The following PDE4D variants were observed in gnomAD, a reference collection of about 807,000 sequenced individuals.
PDE4D encodes the protein phosphodiesterase 4D.
Under a neutral mutation model 87.4 loss-of-function variants are expected in PDE4D, and 24 were observed. The ratio of observed to expected loss-of-function variants is 0.27; its 90% CI spans 0.20 to 0.39. The LOEUF (loss-of-function observed/expected upper bound fraction) is 0.39, where lower values mean the gene tolerates loss of function less well. PDE4D is among the 10% of genes least tolerant of loss of function. PDE4D has a pLI of 1.00. For missense variants in PDE4D, 714 were observed against 1,041.0 expected (o/e 0.69, Z 4.32); for synonymous variants, 384 against 383.2 (o/e 1.00, Z -0.02).
chr5:59,009,198 A>G (rs1016890970), intron 6 of PDE4D, among the ~76,000 whole-genome samples: 6 of 152,284 alleles, frequency 3.9e-5, no homozygotes, highest in South Asian at 2.1e-4. Context: ...TAGAGTGACC[A>G]TATGACCCAG....
Position 60,136,609 on chromosome 5 carries a change from G to A in PDE4D, c.42+48948C>T, listed in dbSNP as rs764881568. On this transcript the variant is annotated intron_variant, in intron 2 of 16. Coordinates refer to the PDE4D transcript ENST00000502484. ...GGTATCATGTTATTTTTAAACCATA[G>A]CATTGTCACACATTCCTTTTTTATT... 1.1e-3 allele frequency among the ~76,000 whole-genome samples: 170 copies of A among 152,032 alleles called. 1 individual carries two copies. Among genetic ancestry groups the A allele is most frequent in the Non-Finnish European group, 2.0e-3 (134 of 68,000 alleles).
intron 8 of PDE4D, among the ~76,000 whole-genome samples, chr5:58,991,437 GAACAGT>G (rs1747895765): frequency 6.6e-6 from 1 of 152,136 alleles, no homozygotes; most frequent in African/African-American, 2.4e-5. Context: ...ACTGAAAATT[GAACAGT>G]ATGGCTTAAC....
At position 59,985,124 on chromosome 5, in the gene PDE4D, G is replaced by GTTTTTTTTTTTTTTTTT. The variant is rs762506771; in HGVS notation, c.272+3363_272+3364insAAAAAAAAAAAAAAAAA. Among the ~76,000 whole-genome samples, 54 of 111,342 alleles carry GTTTTTTTTTTTTTTTTT rather than the reference G, an allele frequency of 4.8e-4. 17 individuals are homozygous for GTTTTTTTTTTTTTTTTT. The highest frequency in any genetic ancestry group is 4.5e-3 in the East Asian group (12 of 2,658). The allele number at this position is 111,342 out of a possible 152,430, so 73.0% of individuals were successfully genotyped here. ...AATATAAGCCCGAACTTCACCTTTC[G>GTTTTTTTTTTTTTTTTT]TTTTTTGTTTTTTGTTTTTTGTTTT... On this transcript the variant is annotated intron_variant, in intron 3 of 16. Transcript: ENST00000502484.
At chr5:59,117,708 T>A (rs1773834311) in intron 5 of PDE4D, among the ~76,000 whole-genome samples, 1 of 152,132 alleles carries the variant, frequency 6.6e-6, no homozygotes, top group Admixed American at 6.6e-5. Flanking sequence ...ATTCAAGAAT[T>A]CTGCAAAAGA....
chr5:60,055,664 G>T (rs1770699856), intron 2 of PDE4D, among the ~76,000 whole-genome samples: 1 of 152,034 alleles, frequency 6.6e-6, no homozygotes, highest in Non-Finnish European at 1.5e-5. Flanking sequence ...AACTCTGATT[G>T]AAACTTATCC....
At chr5:60,144,684 A>T (rs976632123) in intron 2 of PDE4D, among the ~76,000 whole-genome samples, 2 of 152,162 alleles carry the variant, frequency 1.3e-5, no homozygotes, top group Non-Finnish European at 2.9e-5. Flanking sequence ...GACCATACCA[A>T]CTTAAATAAT....
intron 2 of PDE4D, among the ~76,000 whole-genome samples, chr5:59,201,358 T>C (rs1244386165): frequency 6.6e-6 from 1 of 152,104 alleles, no homozygotes; most frequent in African/African-American, 2.4e-5. Flanking sequence ...AAAAATTCTG[T>C]AAAATGTGAC....
At chr5:59,917,556 T>C (rs1754202324) in intron 3 of PDE4D, among the ~76,000 whole-genome samples, 1 of 152,226 alleles carries the variant, frequency 6.6e-6, no homozygotes, top group African/African-American at 2.4e-5. Flanking sequence ...TAACCTATAA[T>C]ATATCAATTA....
chr5:59,776,709 G>A (rs1285933460), intron 1 of PDE4D, among the ~76,000 whole-genome samples: 1 of 152,020 alleles, frequency 6.6e-6, no homozygotes, highest in Non-Finnish European at 1.5e-5. Flanking sequence ...TACACAGATA[G>A]GTATATTCAC....
chr5:60,361,335 ATAAT>A (rs1365867805), intron 1 of PDE4D, among the ~76,000 whole-genome samples: 1 of 152,244 alleles, frequency 6.6e-6, no homozygotes, highest in Non-Finnish European at 1.5e-5. Context: ...TAGTAAATCA[ATAAT>A]TAGTTACTTG....
At chr5:58,999,805 A>C in intron 6 of PDE4D, 1 of 1,000,794 alleles carries the variant, frequency 1.0e-6, no homozygotes, top group Non-Finnish European at 1.2e-6. Context: ...CACGTGATAA[A>C]GGAATATCTA....
At chr5:59,704,177 C>T (rs1753030712) in intron 1 of PDE4D, among the ~76,000 whole-genome samples, 2 of 152,118 alleles carry the variant, frequency 1.3e-5, no homozygotes, top group Admixed American at 1.3e-4. Flanking sequence ...TTTATTTATG[C>T]CACACAATAT....
At chr5:60,432,202 T>C (rs1744396141) in intron 1 of PDE4D, among the ~76,000 whole-genome samples, 2 of 152,214 alleles carry the variant, frequency 1.3e-5, no homozygotes, top group Non-Finnish European at 2.9e-5. Context: ...TCAAGGATAT[T>C]GGTCTGAAGT....
intron 1 of PDE4D, among the ~76,000 whole-genome samples, chr5:60,252,467 T>C (rs184501820): frequency 6.7e-6 from 1 of 149,546 alleles, no homozygotes; most frequent in Non-Finnish European, 1.5e-5. Flanking sequence ...TCTTTCTAAA[T>C]ATGTTTTAAA....
intron 1 of PDE4D, among the ~76,000 whole-genome samples, chr5:59,336,523 A>C (rs1329126724): frequency 6.6e-6 from 1 of 152,184 alleles, no homozygotes; most frequent in African/African-American, 2.4e-5. Context: ...TTAGCTGTGA[A>C]GGCCAGGCAT....
At chr5:59,995,092 C>A (rs937644376) in intron 2 of PDE4D, among the ~76,000 whole-genome samples, 2 of 152,112 alleles carry the variant, frequency 1.3e-5, no homozygotes, top group African/African-American at 2.4e-5. Flanking sequence ...AAAGAAAGTG[C>A]TAGCCAGTTG....
chr5:59,763,440 A>C (rs1037163849), intron 1 of PDE4D, among the ~76,000 whole-genome samples: 2 of 152,206 alleles, frequency 1.3e-5, no homozygotes, highest in African/African-American at 4.8e-5. Context: ...TTTTTAAAAG[A>C]ATATGTGAAG....
intron 2 of PDE4D, among the ~76,000 whole-genome samples, chr5:60,068,342 A>T (rs1328626589): frequency 1.3e-5 from 2 of 152,138 alleles, no homozygotes; most frequent in African/African-American, 4.8e-5. Context: ...AGTATTTCTT[A>T]AAATATCTGT....
At chr5:59,184,674 C>T (rs567614538) in intron 4 of PDE4D, among the ~76,000 whole-genome samples, 11 of 152,002 alleles carry the variant, frequency 7.2e-5, no homozygotes, top group South Asian at 6.2e-4. Context: ...AATGATAATC[C>T]TTTCCCATCT....
Sources: allele counts gnomAD v4.1 joint callset (sites outside exome capture counted in the v4.1 genomes callset), GRCh38; gene constraint gnomAD v4.1.1; transcripts MANE v1.5; gene names NCBI Gene and HGNC (gene_info 2026-07-23, HGNC 2026-07-21).